CEP112: variants seen among roughly 807,000 people sequenced by gnomAD.
The protein encoded by CEP112 is centrosomal protein 112.
In CEP112, 127 loss-of-function variants were observed where a neutral mutation model predicts 153.0. The observed-to-expected ratio is 0.83, with a 90% CI of 0.72 to 0.96. The LOEUF (loss-of-function observed/expected upper bound fraction) is 0.96. Ranked by LOEUF, CEP112 falls within the 40% of genes least tolerant of loss-of-function variation. The pLI, the probability that CEP112 is intolerant of heterozygous loss-of-function variation, is 0.00. For missense variants in CEP112, 1,089 were observed against 1,101.2 expected (o/e 0.99, Z 0.16); for synonymous variants, 358 against 374.4 (o/e 0.96, Z 0.51).
At chr17:66,162,748 G>A (rs993557640) in intron 4 of CEP112, among the ~76,000 whole-genome samples, 7 of 152,128 alleles carry the variant, frequency 4.6e-5, no homozygotes, top group African/African-American at 1.7e-4. Context: ...TTCAAGAGGT[G>A]ATAAATGACT....
intron 21 of CEP112, among the ~76,000 whole-genome samples, chr17:65,798,483 T>G (rs915912961): frequency 1.3e-5 from 2 of 152,120 alleles, no homozygotes; most frequent in Non-Finnish European, 2.9e-5. Context: ...TACCCCTGTG[T>G]GGTTATTTTA....
intron 19 of CEP112, among the ~76,000 whole-genome samples, chr17:65,905,939 C>T (rs913930843): frequency 4.7e-5 from 7 of 150,096 alleles, no homozygotes; most frequent in Admixed American, 1.3e-4. Context: ...GGCCAGACTC[C>T]GTCTCAAAAA....
chr17:65,646,142 G>A (rs2045420357), intron 24 of CEP112, among the ~76,000 whole-genome samples: 1 of 152,232 alleles, frequency 6.6e-6, no homozygotes, highest in African/African-American at 2.4e-5. Flanking sequence ...ATAGAGAGTA[G>A]AAGATTGGGT....
intron 23 of CEP112, 135 bp from the exon 24 acceptor site, chr17:65,689,353 T>C (rs1461980247): frequency 1.6e-6 from 1 of 609,174 alleles, no homozygotes; most frequent in Non-Finnish European, 2.8e-6. Context: ...AGGCAAACAA[T>C]ACCAGACTTT....
rs564826673 is a variant in CEP112 at position 66,110,936 on chromosome 17, C to T, written c.643-14304G>A. ...ATCAAGAGAGTAAACAGACAACCTA[C>T]AGAATGGGAGAAAATGTTTGCATCT... On this transcript the variant is annotated intron_variant, in intron 6 of 26. Transcript: ENST00000535342. 2.6e-5 allele frequency among the ~76,000 whole-genome samples: 4 copies of T among 152,222 alleles called. No homozygotes were observed. The East Asian group carries it at 7.7e-4, about 29-fold the overall frequency.
At chr17:65,834,350 T>C (rs1273181753) in intron 21 of CEP112, among the ~76,000 whole-genome samples, 1 of 151,868 alleles carries the variant, frequency 6.6e-6, no homozygotes, top group East Asian at 1.9e-4. Flanking sequence ...AGTTGACAAG[T>C]GGGCTATAAT....
At chr17:65,806,837 G>T (rs1249143852) in intron 21 of CEP112, among the ~76,000 whole-genome samples, 2 of 152,158 alleles carry the variant, frequency 1.3e-5, no homozygotes, top group African/African-American at 4.8e-5. Flanking sequence ...CCCAGTCTCA[G>T]TTCTTTGTAG....
intron 21 of CEP112, among the ~76,000 whole-genome samples, chr17:65,756,040 T>TTG: frequency 6.6e-6 from 1 of 152,268 alleles, no homozygotes; most frequent in Admixed American, 6.5e-5. Flanking sequence ...CTAAGTATAC[T>TTG]CAGCCCTGGG....
intron 21 of CEP112, among the ~76,000 whole-genome samples, chr17:65,844,663 G>GAAGA (rs1346220212): frequency 2.1e-5 from 3 of 143,558 alleles, no homozygotes; most frequent in African/African-American, 7.8e-5. Context: ...GGCTACAAAG[G>GAAGA]AAGACTCTAT....
intron 18 of CEP112, among the ~76,000 whole-genome samples, chr17:65,938,669 G>A (rs1255022438): frequency 6.6e-6 from 1 of 152,082 alleles, no homozygotes; most frequent in African/African-American, 2.4e-5. Flanking sequence ...TCTGTATGCT[G>A]ATGACATAAA....
intron 2 of CEP112, among the ~76,000 whole-genome samples, chr17:66,179,557 G>A (rs2072629316): frequency 6.6e-6 from 1 of 152,016 alleles, no homozygotes; most frequent in Non-Finnish European, 1.5e-5. Context: ...CATCTTTACT[G>A]AATTTGTTTA....
intron 24 of CEP112, among the ~76,000 whole-genome samples, chr17:65,647,302 T>C (rs2045494277): frequency 6.6e-6 from 1 of 151,312 alleles, no homozygotes; most frequent in East Asian, 2.0e-4. Context: ...GCCTCCCGAG[T>C]AGCTGGGATT....
At chr17:65,657,121 T>C (rs556111913) in intron 24 of CEP112, among the ~76,000 whole-genome samples, 1 of 152,318 alleles carries the variant, frequency 6.6e-6, no homozygotes, top group Non-Finnish European at 1.5e-5. Context: ...GGTTTCATCA[T>C]GCTCTTTCCT....
At chr17:65,756,995 G>A (rs779429327) in intron 21 of CEP112, among the ~76,000 whole-genome samples, 3 of 152,124 alleles carry the variant, frequency 2.0e-5, no homozygotes, top group Non-Finnish European at 4.4e-5. Context: ...GGCAAAATGA[G>A]GTCATAAGGG....
chr17:65,976,725 A>G (rs2063046258), intron 17 of CEP112, among the ~76,000 whole-genome samples: 1 of 138,976 alleles, frequency 7.2e-6, no homozygotes, highest in Non-Finnish European at 1.5e-5. Flanking sequence ...AAGTAAACTT[A>G]TAACTTTTTC....
intron 21 of CEP112, among the ~76,000 whole-genome samples, chr17:65,764,693 T>C (rs895178247): frequency 6.6e-6 from 1 of 152,128 alleles, no homozygotes; most frequent in African/African-American, 2.4e-5. Context: ...AGGAAGCATA[T>C]AATTGGATCT....
At position 65,971,410 on chromosome 17, in the gene CEP112, C is replaced by T. The variant is rs886826503; in HGVS notation, c.1737-9812G>A. Among the ~76,000 whole-genome samples the T allele has an allele frequency of 1.6e-4, 8 of 49,798 alleles. No homozygotes were observed. The East Asian group carries it at 0.03, about 189-fold the overall frequency. The allele number at this position is 49,798 out of a possible 152,430, so 32.7% of individuals were successfully genotyped here. A position where few individuals can be genotyped will look rare whatever the true frequency, so the allele number is the denominator to read the frequency against. On this transcript the variant is annotated intron_variant, in intron 17 of 26. Transcript: ENST00000535342. ...ATGTATATAGCATGTATATTGCACC[C>T]ATGCAGCATGCTGCATGCATGTTAC... is the stretch of plus-strand genomic sequence containing the variant.
intron 16 of CEP112, among the ~76,000 whole-genome samples, chr17:66,009,420 A>G (rs11079622): frequency 0.41 from 62,481 of 151,970 alleles, 14,310 homozygotes; most frequent in East Asian, 0.87. Flanking sequence ...TTGCTATAAA[A>G]TTGTTTTAGT....
At chr17:66,100,409 G>GAA (rs35510367) in intron 6 of CEP112, among the ~76,000 whole-genome samples, 2 of 118,410 alleles carry the variant, frequency 1.7e-5, no homozygotes, top group Admixed American at 9.5e-5. Flanking sequence ...TCAAAAAACA[G>GAA]AAAAAAAAAA....
Sources: gnomAD v4.1 joint callset for allele counts (sites outside exome capture counted in the v4.1 genomes callset) on GRCh38, gnomAD v4.1.1 for gene constraint, MANE v1.5 for transcripts, NCBI Gene and HGNC (gene_info 2026-07-23, HGNC 2026-07-21) for gene names.